The following STXBP5L variants were observed in gnomAD, a reference collection of about 807,000 sequenced individuals.
STXBP5L encodes the protein syntaxin-binding protein 5-like.
Under a neutral mutation model 144.5 loss-of-function variants are expected in STXBP5L, and 65 were observed. The ratio of observed to expected loss-of-function variants is 0.45; its 90% CI spans 0.37 to 0.55. The LOEUF (loss-of-function observed/expected upper bound fraction) is 0.55. Ranked by LOEUF, STXBP5L falls within the 20% of genes least tolerant of loss-of-function variation. STXBP5L has a pLI of 0.00. For synonymous variants in STXBP5L, 505 were observed against 469.6 expected (o/e 1.08, Z -0.97); for missense variants, 1,298 against 1,405.5 (o/e 0.92, Z 1.22).
chr3:121,185,466 A>T (rs1462744202), intron 9 of STXBP5L, among the ~76,000 whole-genome samples: 1 of 152,148 alleles, frequency 6.6e-6, no homozygotes, highest in Non-Finnish European at 1.5e-5. Flanking sequence ...TCTTGAATTA[A>T]TTTTTGTATA....
intron 18 of STXBP5L, among the ~76,000 whole-genome samples, chr3:121,267,868 C>T (rs143228000): frequency 1.3e-3 from 199 of 152,230 alleles, no homozygotes; most frequent in African/African-American, 4.4e-3. Flanking sequence ...TATTATCTCA[C>T]GCCAGTTAGA....
intron 9 of STXBP5L, among the ~76,000 whole-genome samples, chr3:121,201,653 T>C (rs894411466): frequency 3.3e-5 from 5 of 151,774 alleles, no homozygotes; most frequent in Non-Finnish European, 7.4e-5. Context: ...CCGTTACTGG[T>C]TGTTTTTTTT....
chr3:121,095,097 G>A (rs1039313408), intron 5 of STXBP5L, among the ~76,000 whole-genome samples: 5 of 152,130 alleles, frequency 3.3e-5, no homozygotes, highest in Non-Finnish European at 7.4e-5. Flanking sequence ...TTTTCTTTAA[G>A]AATGTTGAAT....
intron 5 of STXBP5L, among the ~76,000 whole-genome samples, chr3:121,085,532 A>G (rs931685278): frequency 6.6e-6 from 1 of 152,176 alleles, no homozygotes; most frequent in Admixed American, 6.5e-5. Context: ...TACACCAACA[A>G]TAGACAAACA....
intron 12 of STXBP5L, among the ~76,000 whole-genome samples, chr3:121,234,077 C>T (rs2049392612): frequency 6.6e-6 from 1 of 152,086 alleles, no homozygotes; most frequent in Non-Finnish European, 1.5e-5. Context: ...ACCAGAATCT[C>T]AGGGGCAGAG....
At chr3:120,945,403 G>A (rs566239447) in intron 2 of STXBP5L, among the ~76,000 whole-genome samples, 21 of 151,778 alleles carry the variant, frequency 1.4e-4, no homozygotes, top group African/African-American at 4.8e-4. Flanking sequence ...ATACATGGTA[G>A]TTTCCAATGG....
At chr3:121,044,977 ATACGC>A (rs1279553967) in intron 4 of STXBP5L, among the ~76,000 whole-genome samples, 1 of 152,150 alleles carries the variant, frequency 6.6e-6, no homozygotes, top group Non-Finnish European at 1.5e-5. Context: ...TAGGAAGAAT[ATACGC>A]TTTCCAAATA....
intron 13 of STXBP5L, 38 bp from the exon 14 acceptor site, chr3:121,240,401 TA>T (rs2049627603): frequency 6.4e-7 from 1 of 1,572,736 alleles, no homozygotes; most frequent in Non-Finnish European, 8.7e-7. Context: ...CTAAGCCATT[TA>T]AACATGTATA....
chr3:121,093,641 C>T lies in STXBP5L; in HGVS notation c.471-21284C>T, dbSNP rs1271870187. Among the ~76,000 whole-genome samples the T allele has an allele frequency of 2.0e-5, 3 of 151,924 alleles. No individual in the cohort carries two copies. The East Asian group carries it at 5.8e-4, about 29-fold the overall frequency. On this transcript the variant is annotated intron_variant, in intron 5 of 26. Transcript: ENST00000471454. ...ATATCCCCTTTATCATTTTTTCTTG[C>T]TTCTATTTGATTCTTCTCTCTTTTT...
chr3:121,154,115 G>C (rs1430235162), intron 8 of STXBP5L, among the ~76,000 whole-genome samples: 2 of 151,650 alleles, frequency 1.3e-5, no homozygotes, highest in Non-Finnish European at 3.0e-5. Flanking sequence ...TAAAATTTCA[G>C]TGAAATTTTA....
At chr3:121,253,813 T>TC in intron 15 of STXBP5L, among the ~76,000 whole-genome samples, 1 of 143,846 alleles carries the variant, frequency 7.0e-6, no homozygotes, top group Non-Finnish European at 1.5e-5. Context: ...TTTTTTTCTT[T>TC]TTTTTTTTTT....
At chr3:121,100,106 C>T (rs9289159) in intron 5 of STXBP5L, among the ~76,000 whole-genome samples, 15,112 of 152,060 alleles carry the variant, frequency 0.099, 1,181 homozygotes, top group Admixed American at 0.2. Context: ...AAAACAAGTA[C>T]CCCTAGACCT....
At chr3:121,369,770 T>C (rs1396195701) in intron 20 of STXBP5L, among the ~76,000 whole-genome samples, 1 of 152,212 alleles carries the variant, frequency 6.6e-6, no homozygotes, top group Non-Finnish European at 1.5e-5. Flanking sequence ...GCCTTTAAAA[T>C]AGTTTCATTC....
intron 7 of STXBP5L, among the ~76,000 whole-genome samples, chr3:121,136,253 G>A (rs1476900074): frequency 6.6e-6 from 1 of 152,168 alleles, no homozygotes; most frequent in Non-Finnish European, 1.5e-5. Flanking sequence ...GAGGTTTGCT[G>A]TAGAACCCAG....
At chr3:120,976,216 T>C (rs950608204) in intron 3 of STXBP5L, among the ~76,000 whole-genome samples, 2 of 152,244 alleles carry the variant, frequency 1.3e-5, no homozygotes, top group African/African-American at 4.8e-5. Flanking sequence ...TTGCCACAGT[T>C]TCAGAGCCTG....
intron 10 of STXBP5L, among the ~76,000 whole-genome samples, chr3:121,207,152 G>C (rs750597621): frequency 1.3e-5 from 2 of 152,016 alleles, no homozygotes; most frequent in Non-Finnish European, 2.9e-5. Context: ...AACACTGTTT[G>C]AACAGAGCCC....
chr3:121,345,574 G>A (rs1312973215), intron 20 of STXBP5L, among the ~76,000 whole-genome samples: 1 of 151,974 alleles, frequency 6.6e-6, no homozygotes, highest in East Asian at 1.9e-4. Flanking sequence ...GATTCTTGAG[G>A]GATCACCACA....
At chr3:121,105,480 G>T (rs2043655852) in intron 5 of STXBP5L, among the ~76,000 whole-genome samples, 1 of 151,966 alleles carries the variant, frequency 6.6e-6, no homozygotes. Flanking sequence ...AATTATCAGG[G>T]AAATGCAAAT....
intron 20 of STXBP5L, among the ~76,000 whole-genome samples, chr3:121,372,205 AG>A (rs1222183322): frequency 1.3e-5 from 2 of 152,158 alleles, no homozygotes; most frequent in African/African-American, 4.8e-5. Context: ...CACTACAGAC[AG>A]GCTTAGCCAG....
Sources: gnomAD v4.1 joint callset for allele counts (sites outside exome capture counted in the v4.1 genomes callset) on GRCh38, gnomAD v4.1.1 for gene constraint, MANE v1.5 for transcripts, NCBI Gene and HGNC (gene_info 2026-07-23, HGNC 2026-07-21) for gene names.